The following ARMH3 variants were observed in gnomAD, a reference collection of about 807,000 sequenced individuals.
ARMH3 encodes armadillo-like helical domain-containing protein 3.
Under a neutral mutation model 99.1 loss-of-function variants are expected in ARMH3, and 60 were observed. That is an observed-to-expected ratio of 0.61 (90% CI 0.49 to 0.75). The LOEUF (loss-of-function observed/expected upper bound fraction) is 0.75, where lower values mean the gene tolerates loss of function less well. Among genes scored for constraint, ARMH3 ranks in the 30% least tolerant of loss-of-function variants. The pLI is 0.00. For synonymous variants in ARMH3, 285 were observed against 292.8 expected, an observed-to-expected ratio of 0.97 and a Z score of 0.27; for missense variants, 679 against 843.1, an observed-to-expected ratio of 0.81 and a Z score of 2.41.
intron 4 of ARMH3, among the ~76,000 whole-genome samples, chr10:102,032,426 A>C (rs2067151693): frequency 6.6e-6 from 1 of 152,132 alleles, no homozygotes. Flanking sequence ...TTTGAGATGG[A>C]GTCTCGCTCT....
chr10:102,035,805 C>A lies in ARMH3; in HGVS notation c.103-2466G>T, dbSNP rs201276645. On this transcript the variant is annotated intron_variant, in intron 2 of 25. Coordinates refer to ENST00000370033, the MANE Select transcript of ARMH3 (RefSeq NM_024541.3). ...TTGGCCTCCCAAAGTGCCGAGATTG[C>A]AGCCTCTGCCCGGCCGCCACCCCGA... Among the ~76,000 whole-genome samples the A allele has an allele frequency of 3.3e-5, 5 of 152,364 alleles. No homozygotes were observed. The East Asian group carries it at 9.7e-4, about 29-fold the overall frequency.
intron 23 of ARMH3, among the ~76,000 whole-genome samples, chr10:101,919,436 C>T (rs1590021888): frequency 6.6e-6 from 1 of 152,104 alleles, no homozygotes; most frequent in Admixed American, 6.6e-5. Context: ...ATGAACAGCC[C>T]TTTCTTTGCC....
At chr10:101,888,312 G>C (rs1424957941) in intron 24 of ARMH3, among the ~76,000 whole-genome samples, 1 of 152,052 alleles carries the variant, frequency 6.6e-6, no homozygotes. Context: ...AGGAAATGAA[G>C]GCCATTTATA....
intron 5 of ARMH3, among the ~76,000 whole-genome samples, chr10:102,027,278 C>CAAAA (rs1228063848): frequency 1.6e-4 from 9 of 56,372 alleles, no homozygotes; most frequent in South Asian, 6.6e-4. Context: ...GATTCCGTCT[C>CAAAA]AAAAAAAAAA....
intron 20 of ARMH3, among the ~76,000 whole-genome samples, chr10:101,969,313 GA>G (rs1394528607): frequency 6.6e-6 from 1 of 152,134 alleles, no homozygotes; most frequent in African/African-American, 2.4e-5. Context: ...GTTTAAAAAA[GA>G]AACTAAACTA....
At chr10:101,884,690 A>G (rs965060997) in intron 24 of ARMH3, among the ~76,000 whole-genome samples, 3 of 152,188 alleles carry the variant, frequency 2.0e-5, no homozygotes, top group Non-Finnish European at 4.4e-5. Context: ...CATAGGGGAA[A>G]AGCTTCATAA....
intron 24 of ARMH3, among the ~76,000 whole-genome samples, chr10:101,868,478 T>C (rs1271076077): frequency 6.6e-6 from 1 of 152,194 alleles, no homozygotes; most frequent in Admixed American, 6.5e-5. Flanking sequence ...AAGTTAGTTA[T>C]ACCAAGTGTG....
At chr10:101,882,254 A>G (rs1176912651) in intron 24 of ARMH3, among the ~76,000 whole-genome samples, 11 of 152,200 alleles carry the variant, frequency 7.2e-5, no homozygotes. Flanking sequence ...GTGTTCAAAG[A>G]AGGTTTTGCT....
intron 25 of ARMH3, 73 bp from the exon 26 acceptor site, chr10:101,847,693 G>T: frequency 7.3e-7 from 1 of 1,361,026 alleles, no homozygotes; most frequent in Non-Finnish European, 1.1e-6. Flanking sequence ...GTTCTAAACG[G>T]CAGAGGACAG....
intron 17 of ARMH3, among the ~76,000 whole-genome samples, chr10:101,993,028 T>C (rs1846874199): frequency 6.6e-6 from 1 of 151,962 alleles, no homozygotes; most frequent in Non-Finnish European, 1.5e-5. Flanking sequence ...CTCAGCACTT[T>C]GGCAGGCCAA....
chr10:101,867,992 G>A (rs199873307), intron 24 of ARMH3, among the ~76,000 whole-genome samples: 1,519 of 147,564 alleles, frequency 0.01, 24 homozygotes, highest in African/African-American at 0.031. Flanking sequence ...AAAAAAAAAA[G>A]AATTGGAAAA....
At chr10:101,869,542 G>T (rs943851846) in intron 24 of ARMH3, among the ~76,000 whole-genome samples, 2 of 152,152 alleles carry the variant, frequency 1.3e-5, no homozygotes, top group African/African-American at 2.4e-5. Context: ...TAAACTGAAT[G>T]AAAATGAAAA....
At chr10:102,029,883 A>T in intron 4 of ARMH3, 138 bp from the exon 5 acceptor site, 3 of 850,006 alleles carry the variant, frequency 3.5e-6, no homozygotes, top group Non-Finnish European at 5.2e-6. Flanking sequence ...ACACAGTCTG[A>T]GTTTTTTTGG....
At chr10:101,937,355 A>G (rs1356589386) in intron 23 of ARMH3, among the ~76,000 whole-genome samples, 1 of 151,888 alleles carries the variant, frequency 6.6e-6, no homozygotes, top group Non-Finnish European at 1.5e-5. Flanking sequence ...ACATCTCTAC[A>G]AAAAAATACA....
At chr10:101,972,387 C>T (rs1456215092) in intron 20 of ARMH3, among the ~76,000 whole-genome samples, 1 of 152,134 alleles carries the variant, frequency 6.6e-6, no homozygotes, top group East Asian at 1.9e-4. Flanking sequence ...ATAACACATG[C>T]CTTACCAGTC....
At chr10:101,971,702 T>C (rs922513139) in intron 20 of ARMH3, among the ~76,000 whole-genome samples, 3 of 152,220 alleles carry the variant, frequency 2.0e-5, no homozygotes, top group South Asian at 2.1e-4. Context: ...TGTGAAACTA[T>C]ATGCAAAATA....
In ARMH3 at chr10:102,000,555, T is replaced by TC. The variant is rs542684667; in HGVS notation, c.1150+1415dup. 1.4e-3 allele frequency among the ~76,000 whole-genome samples: 212 copies of TC among 148,744 alleles called. 2 individuals are homozygous for TC. The highest frequency in any genetic ancestry group is 2.4e-3 in the Non-Finnish European group (158 of 67,050). ...GGGCAGATCACTTGAGCCCAGGAGTTCAAGACCAGCCTGGGCAACATGGCG... is the reference window on the plus strand; with the variant it reads ...GGGCAGATCACTTGAGCCCAGGAGTTCCAAGACCAGCCTGGGCAACATGGCG... On this transcript the variant is annotated intron_variant, in intron 15 of 25. Transcript: ENST00000370033.
intron 24 of ARMH3, among the ~76,000 whole-genome samples, chr10:101,884,834 A>C (rs1466335052): frequency 6.6e-6 from 1 of 152,184 alleles, no homozygotes; most frequent in Non-Finnish European, 1.5e-5. Flanking sequence ...AAGTTTTTAA[A>C]AGCTTATGCA....
chr10:101,908,820 C>T (rs569793681), intron 23 of ARMH3, among the ~76,000 whole-genome samples: 1 of 151,922 alleles, frequency 6.6e-6, no homozygotes, highest in South Asian at 2.1e-4. Context: ...TGCACCACGT[C>T]ACCCGGCTAA....
Sources: gnomAD v4.1 joint callset for allele counts (sites outside exome capture counted in the v4.1 genomes callset) on GRCh38, gnomAD v4.1.1 for gene constraint, MANE v1.5 for transcripts, NCBI Gene and HGNC (gene_info 2026-07-23, HGNC 2026-07-21) for gene names.